The following MMAB variants were observed in gnomAD, a reference collection of about 807,000 sequenced individuals.
The protein encoded by MMAB is metabolism of cobalamin associated B, also known as corrinoid adenosyltransferase MMAB.
MMAB carries 17 observed loss-of-function variants against 30.6 expected under a neutral mutation model. The observed-to-expected ratio is 0.56, with a 90% CI of 0.38 to 0.83. MMAB has a LOEUF of 0.83. Among genes scored for constraint, MMAB ranks in the 40% least tolerant of loss-of-function variants. The pLI, the probability that MMAB is intolerant of heterozygous loss-of-function variation, is 0.00. For missense variants in MMAB, 311 were observed against 331.6 expected, an observed-to-expected ratio of 0.94 and a Z score of 0.48; for synonymous variants, 134 against 138.6, an observed-to-expected ratio of 0.97 and a Z score of 0.23.
In MMAB at chr12:109,567,440, C is replaced by T. The variant is rs139221348; in HGVS notation, c.290+1330G>A. Among the ~76,000 whole-genome samples, 1,125 of 152,234 alleles carry T rather than the reference C, an allele frequency of 7.4e-3. 2 individuals carry two copies. The highest frequency in any genetic ancestry group is 0.012 in the Admixed American group (187 of 15,296). ...CCATGCACCTATAACCCCAGGGCCC[C>T]GGGGTCAGATTTCAGGATCCAGCAC... is the stretch of plus-strand genomic sequence containing the variant. On this transcript the variant is annotated intron_variant, in intron 3 of 8. Coordinates refer to ENST00000545712, the MANE Select transcript of MMAB (RefSeq NM_052845.4).
Position 109,561,172 on chromosome 12 carries a change from T to C in MMAB, c.520-68A>G. On this transcript the variant is annotated intron_variant, in intron 6 of 8. Transcript: ENST00000545712. The surrounding 1 kb of genome is among the most constrained non-coding windows in gnomAD (Gnocchi z 5.3). ...TGTGCCCACTGCGGACAGGAGCTCC[T>C]CTGAAGTCCAGCCCTGCCCCCCAAA... is the stretch of plus-strand genomic sequence containing the variant. 4 of 1,596,848 alleles carry C rather than the reference T, an allele frequency of 2.5e-6. No homozygotes were observed. Among genetic ancestry groups the C allele is most frequent in the Non-Finnish European group, 2.6e-6 (3 of 1,176,028 alleles).
chr12:109,572,130 G>T (rs762144364), intron 1 of MMAB, among the ~76,000 whole-genome samples: 1 of 152,184 alleles, frequency 6.6e-6, no homozygotes, highest in African/African-American at 2.4e-5. Flanking sequence ...CTATGGCTCA[G>T]ATGAGACACC....
chr12:109,554,833 G>C lies in MMAB; in HGVS notation c.*2195C>G. On this transcript the variant is annotated 3_prime_UTR_variant, in exon 9 of 9. Transcript: ENST00000545712. ...CCCATCCTTCCAGCCCCCAAAGCAA[G>C]CTTTCTCCATTTTTCCCAGGTTGGT... 1 of 453,980 alleles carries C rather than the reference G, an allele frequency of 2.2e-6. No homozygotes were observed. The highest frequency in any genetic ancestry group is 4.4e-6 in the Non-Finnish European group (1 of 226,674). 28.1% of individuals were successfully genotyped at this position (453,980 alleles called of 1,614,324 possible).
Position 109,569,337 on chromosome 12 carries a change from A to G in MMAB, c.197-474T>C, listed in dbSNP as rs1341083805. On this transcript the variant is annotated intron_variant, in intron 2 of 8. Transcript: ENST00000545712. The surrounding 1 kb of genome is among the most constrained non-coding windows in gnomAD (Gnocchi z 4.1). ...GTTGGTGAATTACTACTAACTGAAT[A>G]TACCTCCTTGATCAGCACCTAGCTT... Among the ~76,000 whole-genome samples the G allele has an allele frequency of 6.6e-6, 1 of 152,170 alleles. No individual in the cohort carries two copies. Among genetic ancestry groups the G allele is most frequent in the Admixed American group, 6.5e-5 (1 of 15,276 alleles).
chr12:109,569,008 T>G lies in MMAB; in HGVS notation c.197-145A>C. 1.4e-6 allele frequency: 1 copy of G among 693,646 alleles called. No individual in the cohort carries two copies. The highest frequency in any genetic ancestry group is 2.3e-5 in the Admixed American group (1 of 43,202). 43.0% of individuals were successfully genotyped at this position (693,646 alleles called of 1,614,324 possible). ...TCATCCAGGCTGGAGTACAGCGGCGTGATCTTGGCTCACTGCAGCCTCCCC... is the reference window on the plus strand; with the variant it reads ...TCATCCAGGCTGGAGTACAGCGGCGGGATCTTGGCTCACTGCAGCCTCCCC... On this transcript the variant is annotated intron_variant, in intron 2 of 8. Transcript: ENST00000545712. The surrounding 1 kb of genome is among the most constrained non-coding windows in gnomAD (Gnocchi z 4.1).
Position 109,556,648 on chromosome 12 carries a change from T to TCACACA in MMAB, c.*374_*379dup, listed in dbSNP as rs67024670. The TCACACA allele has an allele frequency of 0.01, 3,340 of 327,874 alleles. 5 individuals are homozygous for TCACACA. Among genetic ancestry groups the TCACACA allele is most frequent in the Middle Eastern group, 0.02 (20 of 1,018 alleles). 20.3% of individuals were successfully genotyped at this position (327,874 alleles called of 1,614,324 possible). Reference sequence around the variant, plus strand: ...GAGCTGGCAGTGGGAGGGCTCTCTCTCACACACACACACACACACACACAC... The same window carrying TCACACA: ...GAGCTGGCAGTGGGAGGGCTCTCTCTCACACACACACACACACACACACACACACAC... On this transcript the variant is annotated 3_prime_UTR_variant, in exon 9 of 9. Transcript: ENST00000545712.
Position 109,561,933 on chromosome 12 carries a change from A to C in MMAB, c.349-81T>G. 1.6e-6 allele frequency: 2 copies of C among 1,272,240 alleles called. No homozygotes were observed. The highest frequency in any genetic ancestry group is 1.1e-6 in the Non-Finnish European group (1 of 895,864). 78.8% of individuals were successfully genotyped at this position (1,272,240 alleles called of 1,614,324 possible). The stretch of plus-strand genomic sequence containing the variant: ...ACAATGTGCAGAGGCGCCACCTAAT[A>C]CGCCGGCAAAGCCTGTGCCAGCTAG... On this transcript the variant is annotated intron_variant, in intron 4 of 8. Transcript: ENST00000545712. The surrounding 1 kb of genome is among the most constrained non-coding windows in gnomAD (Gnocchi z 5.3).
In MMAB at chr12:109,555,275, GTTTTTTTTTTTTTTT is replaced by G; in HGVS notation, c.*1738_*1752del. The G allele has an allele frequency of 2.9e-6, 1 of 340,818 alleles. No individual in the cohort carries two copies. The highest frequency in any genetic ancestry group is 1.9e-5 in the South Asian group (1 of 51,742). The allele number at this position is 340,818 out of a possible 1,614,324, so 21.1% of individuals were successfully genotyped here. A position where few individuals can be genotyped will look rare whatever the true frequency, so the allele number is the denominator to read the frequency against. ...GAGCCTTAGTGATTGCGTTTTCAGG[GTTTTTTTTTTTTTTT>G]TTTTTTTTTTGTGACGGAGTCTCAC... On this transcript the variant is annotated 3_prime_UTR_variant, in exon 9 of 9. Coordinates refer to ENST00000545712, the MANE Select transcript of MMAB (RefSeq NM_052845.4).
chr12:109,565,312 C>T, intron 3 of MMAB, 136 bp from the exon 4 acceptor site: 1 of 746,228 alleles, frequency 1.3e-6, no homozygotes, highest in Non-Finnish European at 2.4e-6. Context: ...TTCTTGCTAA[C>T]AATAAGAACA....
chr12:109,553,744 T>C lies in MMAB; in HGVS notation c.*3284A>G, dbSNP rs181452197. 4.9e-6 allele frequency: 2 copies of C among 412,050 alleles called. No homozygotes were observed. Among genetic ancestry groups the C allele is most frequent in the Admixed American group, 2.6e-5 (1 of 38,360 alleles). 25.5% of individuals were successfully genotyped at this position (412,050 alleles called of 1,614,324 possible). On this transcript the variant is annotated 3_prime_UTR_variant, in exon 9 of 9. Coordinates refer to ENST00000545712, the MANE Select transcript of MMAB (RefSeq NM_052845.4). ...TGTAGCATTCATGCGGAATTTATTA[T>C]ACAAAGAATTTTATTCAATTAAACT...
intron 4 of MMAB, 150 bp downstream of exon 4, chr12:109,564,969 G>A (rs770244644): frequency 2.8e-4 from 217 of 776,828 alleles, no homozygotes; most frequent in Non-Finnish European, 3.1e-4. Flanking sequence ...TACCTGGCCT[G>A]TCCGCATTTT....
intron 3 of MMAB, among the ~76,000 whole-genome samples, chr12:109,566,384 T>C (rs1375436707): frequency 6.6e-6 from 1 of 152,248 alleles, no homozygotes; most frequent in Non-Finnish European, 1.5e-5. Context: ...ATCTTACAGT[T>C]AGAACTAAAC....
Position 109,556,363 on chromosome 12 carries a change from C to T in MMAB, c.*665G>A, listed in dbSNP as rs1057211062. 2 of 453,884 alleles carry T rather than the reference C, an allele frequency of 4.4e-6. No homozygotes were observed. Among genetic ancestry groups the T allele is most frequent in the Admixed American group, 2.4e-5 (1 of 42,536 alleles). The allele number at this position is 453,884 out of a possible 1,614,324, so 28.1% of individuals were successfully genotyped here. On this transcript the variant is annotated 3_prime_UTR_variant, in exon 9 of 9. Coordinates refer to ENST00000545712, the MANE Select transcript of MMAB (RefSeq NM_052845.4). The stretch of plus-strand genomic sequence containing the variant: ...GTTGTTCTCATCAGCATCTCCATCC[C>T]TTTCAGAGGGGGTCCTCTAAGCTGC...
At position 109,561,966 on chromosome 12, in the gene MMAB, A is replaced by G; in HGVS notation, c.349-114T>C. On this transcript the variant is annotated intron_variant, in intron 4 of 8. Transcript: ENST00000545712. This position sits in a 1 kb window ranked among gnomAD's most constrained non-coding sequence, Gnocchi z 5.3. The stretch of plus-strand genomic sequence containing the variant: ...AAAGCCTGTGCCAGCTAGCTCATGA[A>G]GGGCTGTGATATGGTTTGGCAATGT... 1.1e-6 allele frequency: 1 copy of G among 886,772 alleles called. No homozygotes were observed. Among genetic ancestry groups the G allele is most frequent in the South Asian group, 1.4e-5 (1 of 70,554 alleles). The allele number at this position is 886,772 out of a possible 1,614,324, so 54.9% of individuals were successfully genotyped here. A position where few individuals can be genotyped will look rare whatever the true frequency, so the allele number is the denominator to read the frequency against.
rs755621848 is a variant in MMAB at position 109,561,356 on chromosome 12, C to A, written c.519+64G>T. 1.3e-6 allele frequency: 2 copies of A among 1,541,266 alleles called. No individual in the cohort carries two copies. Among genetic ancestry groups the A allele is most frequent in the African/African-American group, 1.4e-5 (1 of 72,984 alleles). Reference sequence around the variant, plus strand: ...TGTGAAAAGAGGGATTTATTCAGAGCCCATGTGTGTCTGTCACTGAACCTG... The same window carrying A: ...TGTGAAAAGAGGGATTTATTCAGAGACCATGTGTGTCTGTCACTGAACCTG... On this transcript the variant is annotated intron_variant, in intron 6 of 8. Coordinates refer to ENST00000545712, the MANE Select transcript of MMAB (RefSeq NM_052845.4). This position sits in a 1 kb window ranked among gnomAD's most constrained non-coding sequence, Gnocchi z 5.3.
rs1385769943 is a variant in MMAB, at chr12:109,556,043, G to A, written c.*985C>T. ...GCAATTAGCAGCCTGCAGTCTTTAG[G>A]TTCTTGGGGCTGCCTCTTCTGCCCT... On this transcript the variant is annotated 3_prime_UTR_variant, in exon 9 of 9. Coordinates refer to ENST00000545712, the MANE Select transcript of MMAB (RefSeq NM_052845.4). The A allele has an allele frequency of 4.4e-6, 2 of 453,932 alleles. No individual in the cohort carries two copies. Among genetic ancestry groups the A allele is most frequent in the Non-Finnish European group, 8.8e-6 (2 of 226,784 alleles). 28.1% of individuals were successfully genotyped at this position (453,932 alleles called of 1,614,324 possible).
chr12:109,557,373 G>A (rs940952068), intron 8 of MMAB, among the ~76,000 whole-genome samples: 3 of 152,252 alleles, frequency 2.0e-5, no homozygotes, highest in Admixed American at 6.5e-5. Flanking sequence ...CCTGCAGGAT[G>A]AGGCCATTGC....
intron 3 of MMAB, chr12:109,566,941 GGTTT>G: frequency 2.2e-6 from 1 of 455,608 alleles, no homozygotes; most frequent in Non-Finnish European, 4.4e-6. Flanking sequence ...CACACCAAGG[GGTTT>G]GTTTGCCTTC....
In MMAB at chr12:109,555,807, AG is replaced by A. The variant is rs1883953265; in HGVS notation, c.*1220del. 1 of 453,976 alleles carries A rather than the reference AG, an allele frequency of 2.2e-6. No homozygotes were observed. The highest frequency in any genetic ancestry group is 4.4e-6 in the Non-Finnish European group (1 of 226,784). 28.1% of individuals were successfully genotyped at this position (453,976 alleles called of 1,614,324 possible). A position where few individuals can be genotyped will look rare whatever the true frequency, so the allele number is the denominator to read the frequency against. On this transcript the variant is annotated 3_prime_UTR_variant, in exon 9 of 9. Coordinates refer to ENST00000545712, the MANE Select transcript of MMAB (RefSeq NM_052845.4). Reference sequence around the variant, plus strand: ...TGCAAACTTTGCAGGCCAGGTGGTAAGAATGAAGGCAAAAATATGCACGTGA... The same window carrying A: ...TGCAAACTTTGCAGGCCAGGTGGTAAAATGAAGGCAAAAATATGCACGTGA...
Sources: gnomAD v4.1 joint callset for allele counts (sites outside exome capture counted in the v4.1 genomes callset) on GRCh38, gnomAD v4.1.1 for gene constraint, Gnocchi (gnomAD v3.1) non-coding constraint, MANE v1.5 for transcripts, NCBI Gene and HGNC (gene_info 2026-07-23, HGNC 2026-07-21) for gene names.